The following ADGRB1 variants were observed in gnomAD, a reference collection of about 807,000 sequenced individuals.
ADGRB1 encodes the protein adhesion G protein-coupled receptor B1.
In ADGRB1, 36 loss-of-function variants were observed where a neutral mutation model predicts 175.7. The ratio of observed to expected loss-of-function variants is 0.20; its 90% CI spans 0.16 to 0.27. The LOEUF (loss-of-function observed/expected upper bound fraction) is 0.27, where lower values mean the gene tolerates loss of function less well. Ranked by LOEUF, ADGRB1 falls within the 10% of genes least tolerant of loss-of-function variation. The pLI, the probability that ADGRB1 is intolerant of heterozygous loss-of-function variation, is 1.00. For synonymous variants in ADGRB1, 1,054 were observed against 979.4 expected (o/e 1.08, Z -1.42); for missense variants, 1,731 against 2,255.3 (o/e 0.77, Z 4.71).
intron 18 of ADGRB1, among the ~76,000 whole-genome samples, chr8:142,514,737 C>T (rs1843320218): frequency 6.6e-6 from 1 of 152,042 alleles, no homozygotes; most frequent in Non-Finnish European, 1.5e-5. Flanking sequence ...TCAAGACTCA[C>T]AGCCTGACTG....
Position 142,543,629 on chromosome 8 carries a change from A to G in ADGRB1, c.4478A>G (p.Gln1493Arg). The part of the protein sequence containing the change: ...EKIMHTRKRH[Q>R]DMFQDLNRKL... ...ATCATGCACACCCGGAAGCGGCACCAAGACATGTTCCAGGACCTGAACCGG... is the reference window on the plus strand; with the variant it reads ...ATCATGCACACCCGGAAGCGGCACCGAGACATGTTCCAGGACCTGAACCGG... Residue 1493 changes from glutamine to arginine, a missense_variant, in exon 30 of 31, where the codon CAA (glutamine) becomes CGA (arginine). Gln to Arg is a conservative substitution (Grantham distance 43). This residue lies in a region of ADGRB1 where 394 missense variants were observed against 410.2 expected (regional missense o/e 0.96). Transcript: ENST00000517894. This position sits in a 1 kb window ranked among gnomAD's most constrained non-coding sequence, Gnocchi z 4.4. 6.4e-7 allele frequency: 1 copy of G among 1,570,954 alleles called. No individual in the cohort carries two copies. Among genetic ancestry groups the G allele is most frequent in the Non-Finnish European group, 8.6e-7 (1 of 1,158,306 alleles).
rs1331445617 is a variant in ADGRB1 at position 142,492,439 on chromosome 8, C to T, written c.2675+1624C>T. On this transcript the variant is annotated intron_variant, in intron 17 of 30. Coordinates refer to ENST00000517894, the MANE Select transcript of ADGRB1 (RefSeq NM_001702.3). This position sits in a 1 kb window ranked among gnomAD's most constrained non-coding sequence, Gnocchi z 4.4. ...AAGGGAAGCTAGCAGGGTCTGGATG[C>T]GGGTGGGGAGGGGCCTTTGCAAGCA... Among the ~76,000 whole-genome samples, 6 of 152,038 alleles carry T rather than the reference C, an allele frequency of 3.9e-5. No individual in the cohort carries two copies. The highest frequency in any genetic ancestry group is 2.0e-4 in the Admixed American group (3 of 15,270).
At chr8:142,539,488 C>A in intron 27 of ADGRB1, 75 bp downstream of exon 27, 3 of 1,530,382 alleles carry the variant, frequency 2.0e-6, no homozygotes, top group South Asian at 1.2e-5. Context: ...TCCGCCTGTG[C>A]CTCCCCCACA....
At chr8:142,468,213 TGTGTGTGTGTGTGC>T (rs1303928085) in intron 2 of ADGRB1, among the ~76,000 whole-genome samples, 2 of 151,616 alleles carry the variant, frequency 1.3e-5, no homozygotes, top group African/African-American at 2.4e-5. Flanking sequence ...TGGGTGCGTG[TGTGTGTGTGTGTGC>T]GTGTGCAGTA....
intron 24 of ADGRB1, among the ~76,000 whole-genome samples, chr8:142,528,206 C>T (rs559966630): frequency 4.6e-5 from 7 of 152,384 alleles, no homozygotes; most frequent in Non-Finnish European, 8.8e-5. Flanking sequence ...TCAGCTCCCT[C>T]GCAGACACAC....
At chr8:142,509,464 G>T (rs941940131) in intron 17 of ADGRB1, among the ~76,000 whole-genome samples, 3 of 152,216 alleles carry the variant, frequency 2.0e-5, no homozygotes, top group Non-Finnish European at 4.4e-5. Flanking sequence ...GGCTCTCCAG[G>T]CTCCTCTGGG....
chr8:142,454,582 C>G (rs185928350), intron 1 of ADGRB1, among the ~76,000 whole-genome samples: 3 of 152,156 alleles, frequency 2.0e-5, no homozygotes, highest in African/African-American at 7.2e-5. Flanking sequence ...GGCAGGGAGG[C>G]CCCCGCAGGC....
At chr8:142,507,981 G>A (rs1842923622) in intron 17 of ADGRB1, among the ~76,000 whole-genome samples, 1 of 151,780 alleles carries the variant, frequency 6.6e-6, no homozygotes, top group Non-Finnish European at 1.5e-5. Context: ...CCTCTCGGTG[G>A]GAGATGGAGG....
Position 142,510,655 on chromosome 8 carries a change from GC to G in ADGRB1, c.2676-272del, listed in dbSNP as rs1843044989. Among the ~76,000 whole-genome samples the G allele has an allele frequency of 6.9e-6, 1 of 144,884 alleles. No homozygotes were observed. Among genetic ancestry groups the G allele is most frequent in the African/African-American group, 2.5e-5 (1 of 40,356 alleles). The stretch of plus-strand genomic sequence containing the variant: ...CGGGCCAGCTCTCGCCCCCCGCCCC[GC>G]CCCCGATCGCTCGGCTCCCCCGCCC... On this transcript the variant is annotated intron_variant, in intron 17 of 30. Coordinates refer to ENST00000517894, the MANE Select transcript of ADGRB1 (RefSeq NM_001702.3). This position sits in a 1 kb window ranked among gnomAD's most constrained non-coding sequence, Gnocchi z 6.3.
chr8:142,540,333 C>T (rs1845193090), intron 27 of ADGRB1, among the ~76,000 whole-genome samples: 2 of 152,278 alleles, frequency 1.3e-5, no homozygotes. Flanking sequence ...TTGGGGTCTC[C>T]TGTGAACCAG....
rs891089625 is a variant in ADGRB1, at chr8:142,511,595, C to T, written c.2817+522C>T. On this transcript the variant is annotated intron_variant, in intron 18 of 30. Coordinates refer to ENST00000517894, the MANE Select transcript of ADGRB1 (RefSeq NM_001702.3). This position sits in a 1 kb window ranked among gnomAD's most constrained non-coding sequence, Gnocchi z 4.5. ...AGGGGCCCTGGCCCAGATCCACCGC[C>T]CCCCAGGCCTCAGCACCTCGGGGCT... is the stretch of plus-strand genomic sequence containing the variant. Among the ~76,000 whole-genome samples the T allele has an allele frequency of 6.6e-6, 1 of 152,072 alleles. No homozygotes were observed. The highest frequency in any genetic ancestry group is 2.4e-5 in the African/African-American group (1 of 41,394).
chr8:142,493,372 G>A lies in ADGRB1; in HGVS notation c.2675+2557G>A, dbSNP rs1328894763. 2.0e-5 allele frequency among the ~76,000 whole-genome samples: 3 copies of A among 152,068 alleles called. No homozygotes were observed. Among genetic ancestry groups the A allele is most frequent in the African/African-American group, 4.8e-5 (2 of 41,434 alleles). On this transcript the variant is annotated intron_variant, in intron 17 of 30. Coordinates refer to ENST00000517894, the MANE Select transcript of ADGRB1 (RefSeq NM_001702.3). The surrounding 1 kb of genome is among the most constrained non-coding windows in gnomAD (Gnocchi z 5.0). ...TAGGCAGGGGCGGGGGCAGCAGGAC[G>A]GCGGTCAAGTCCCCAGGGTGTTTGG...
chr8:142,507,434 A>G (rs1842899723), intron 17 of ADGRB1, among the ~76,000 whole-genome samples: 3 of 152,202 alleles, frequency 2.0e-5, no homozygotes, highest in Admixed American at 2.0e-4. Context: ...CAGCCTGACC[A>G]GCTAGCTCTC....
At position 142,542,108 on chromosome 8, in the gene ADGRB1, C is replaced by A. The variant is rs1438045742; in HGVS notation, c.3874C>A (p.Pro1292Thr). 1.2e-6 allele frequency: 2 copies of A among 1,613,490 alleles called. No homozygotes were observed. Among genetic ancestry groups the A allele is most frequent in the Non-Finnish European group, 1.7e-6 (2 of 1,179,826 alleles). The change falls in exon 28 of 31, where the codon CCC becomes ACC. Residue 1292 changes from proline to threonine, a missense_variant. Pro to Thr is a conservative substitution (Grantham distance 38, BLOSUM62 -1). This residue lies in a region of ADGRB1 where 394 missense variants were observed against 410.2 expected (regional missense o/e 0.96). Coordinates refer to ENST00000517894, the MANE Select transcript of ADGRB1 (RefSeq NM_001702.3). The surrounding 1 kb of genome is among the most constrained non-coding windows in gnomAD (Gnocchi z 6.3). ...NVSKLHLHGS[P>T]RYPGGPLPDF... ...GTCCAAGCTGCACCTGCACGGCTCACCCCGCTATCCCGGCGGGCCCCTGCC... is the reference window on the plus strand; with the variant it reads ...GTCCAAGCTGCACCTGCACGGCTCAACCCGCTATCCCGGCGGGCCCCTGCC...
intron 13 of ADGRB1, among the ~76,000 whole-genome samples, chr8:142,485,955 G>T (rs572694464): frequency 1.3e-4 from 20 of 152,290 alleles, no homozygotes; most frequent in Non-Finnish European, 2.4e-4. Flanking sequence ...AAGTATGCCC[G>T]CTGAGGTCTC....
intron 2 of ADGRB1, among the ~76,000 whole-genome samples, chr8:142,470,200 CGGCTCTCTCTGGCTCT>C (rs1191368392): frequency 1.3e-5 from 2 of 152,230 alleles, no homozygotes; most frequent in Non-Finnish European, 2.9e-5. Flanking sequence ...CCTCTCCTGC[CGGCTCTCTCTGGCTCT>C]CATCACTTCC....
chr8:142,481,092 C>T (rs1236411174), intron 9 of ADGRB1, among the ~76,000 whole-genome samples, 162 bp from the exon 10 acceptor site: 1 of 152,216 alleles, frequency 6.6e-6, no homozygotes, highest in African/African-American at 2.4e-5. Context: ...ATGAAGGGAA[C>T]GAGGTCCCTG....
intron 24 of ADGRB1, among the ~76,000 whole-genome samples, chr8:142,531,857 G>T (rs1002611098): frequency 1.2e-4 from 18 of 152,192 alleles, no homozygotes; most frequent in Admixed American, 9.8e-4. Flanking sequence ...GGCTGGCTGT[G>T]CCTGCTGAGA....
intron 20 of ADGRB1, among the ~76,000 whole-genome samples, chr8:142,521,131 G>C (rs1300296940): frequency 6.6e-6 from 1 of 152,154 alleles, no homozygotes. Flanking sequence ...CGGCCAAGAA[G>C]GGCAGCTTGT....
Sources: gnomAD v4.1 joint callset for allele counts (sites outside exome capture counted in the v4.1 genomes callset) on GRCh38, gnomAD v4.1.1 for gene constraint, gnomAD v4.1.1 regional missense constraint, Gnocchi (gnomAD v3.1) non-coding constraint, MANE v1.5 for transcripts, NCBI Gene and HGNC (gene_info 2026-07-23, HGNC 2026-07-21) for gene names.